The following OCA2 variants were observed in gnomAD, a reference collection of about 807,000 sequenced individuals.
The protein encoded by OCA2 is P protein.
In OCA2, 77 loss-of-function variants were observed where a neutral mutation model predicts 100.2. The ratio of observed to expected loss-of-function variants is 0.77; its 90% CI spans 0.64 to 0.93. OCA2 has a LOEUF of 0.93. OCA2 is among the 40% of genes least tolerant of loss of function. The pLI is 0.00. For synonymous variants in OCA2, 432 were observed against 439.2 expected, an observed-to-expected ratio of 0.98 and a Z score of 0.21; for missense variants, 1,062 against 1,089.1, an observed-to-expected ratio of 0.98 and a Z score of 0.35.
At chr15:27,903,321 G>T (rs1246578752) in intron 19 of OCA2, among the ~76,000 whole-genome samples, 1 of 152,166 alleles carries the variant, frequency 6.6e-6, no homozygotes, top group Non-Finnish European at 1.5e-5. Flanking sequence ...GCTTCCGCGG[G>T]CCCACAGCTG....
intron 9 of OCA2, among the ~76,000 whole-genome samples, chr15:28,008,927 T>C (rs2042160629): frequency 6.6e-6 from 1 of 152,222 alleles, no homozygotes; most frequent in African/African-American, 2.4e-5. Context: ...AGCCTAAGCA[T>C]GCCTGCCTGC....
chr15:27,977,403 G>A (rs2140923578), intron 14 of OCA2, among the ~76,000 whole-genome samples: 1 of 152,286 alleles, frequency 6.6e-6, no homozygotes, highest in Non-Finnish European at 1.5e-5. Context: ...GTAGGGACTA[G>A]CACACGTGGA....
chr15:27,862,631 T>A (rs2036180413), intron 21 of OCA2, among the ~76,000 whole-genome samples: 1 of 152,136 alleles, frequency 6.6e-6, no homozygotes, highest in African/African-American at 2.4e-5. Context: ...TGTGCCACTA[T>A]GCCCAGCTAA....
At chr15:28,014,327 A>C (rs947815934) in intron 9 of OCA2, among the ~76,000 whole-genome samples, 3 of 152,208 alleles carry the variant, frequency 2.0e-5, no homozygotes, top group African/African-American at 7.2e-5. Flanking sequence ...CGGAACAGAT[A>C]ATCAAATAAT....
At chr15:27,958,781 C>A (rs1385155230) in intron 15 of OCA2, among the ~76,000 whole-genome samples, 2 of 152,084 alleles carry the variant, frequency 1.3e-5, no homozygotes, top group African/African-American at 4.8e-5. Context: ...TTTTCATGAA[C>A]CATCCCTTAC....
intron 21 of OCA2, among the ~76,000 whole-genome samples, chr15:27,866,381 A>G (rs1384073697): frequency 1.3e-5 from 2 of 152,170 alleles, no homozygotes; most frequent in Admixed American, 1.3e-4. Flanking sequence ...GTGCACAGCT[A>G]GGGTCTGCGA....
chr15:27,906,103 T>C (rs2038167354), intron 19 of OCA2, among the ~76,000 whole-genome samples: 1 of 152,214 alleles, frequency 6.6e-6, no homozygotes, highest in Non-Finnish European at 1.5e-5. Flanking sequence ...TAAGTTCTAG[T>C]GTTTGATAGC....
chr15:27,796,122 G>C (rs984961006), intron 23 of OCA2, among the ~76,000 whole-genome samples: 21 of 152,212 alleles, frequency 1.4e-4, no homozygotes, highest in African/African-American at 4.8e-4. Context: ...AGGACCTCAG[G>C]TTCTGCTGAT....
chr15:27,729,774 T>A, the OCA2 span, among the ~76,000 whole-genome samples: 2 of 152,186 alleles, frequency 1.3e-5, no homozygotes, highest in Admixed American at 1.3e-4. Context: ...CCTACCACCA[T>A]GGACAAATGT....
the OCA2 span, among the ~76,000 whole-genome samples, chr15:27,744,846 T>A: frequency 6.6e-6 from 1 of 152,170 alleles, no homozygotes. Flanking sequence ...ATTCAGGCCA[T>A]GAGGGGAAGT....
chr15:27,745,986 G>A, the OCA2 span, among the ~76,000 whole-genome samples: 2 of 152,226 alleles, frequency 1.3e-5, no homozygotes, highest in East Asian at 3.9e-4. Flanking sequence ...ATTGCTTGAC[G>A]TCTGCTTATA....
chr15:27,766,678 A>G (rs1595372912), intron 23 of OCA2, among the ~76,000 whole-genome samples: 1 of 151,596 alleles, frequency 6.6e-6, no homozygotes, highest in Admixed American at 6.6e-5. Context: ...GGTCCTCACC[A>G]CTCACTCCTA....
intron 19 of OCA2, among the ~76,000 whole-genome samples, chr15:27,910,031 C>A (rs2038326482): frequency 6.6e-6 from 1 of 151,730 alleles, no homozygotes; most frequent in African/African-American, 2.4e-5. Flanking sequence ...AAGACGCAAT[C>A]GAAAAACAGG....
At chr15:27,878,184 T>C (rs1479840036) in intron 19 of OCA2, among the ~76,000 whole-genome samples, 1 of 152,014 alleles carries the variant, frequency 6.6e-6, no homozygotes, top group East Asian at 1.9e-4. Context: ...TACATCTATA[T>C]ACATTAAAAC....
At chr15:28,058,530 A>G (rs1257042473) in intron 2 of OCA2, among the ~76,000 whole-genome samples, 1 of 143,510 alleles carries the variant, frequency 7.0e-6, no homozygotes, top group East Asian at 2.0e-4. Flanking sequence ...GTGCCCCTCC[A>G]CTGCTCATTT....
chr15:27,739,440 C>CTTTTTTTT, the OCA2 span, among the ~76,000 whole-genome samples: 1 of 100,062 alleles, frequency 1.0e-5, no homozygotes, highest in African/African-American at 4.5e-5. Flanking sequence ...TAATTTCTTT[C>CTTTTTTTT]TTTTTTTTTT....
chr15:27,739,475 T>G, the OCA2 span, among the ~76,000 whole-genome samples: 2 of 130,722 alleles, frequency 1.5e-5, no homozygotes, highest in South Asian at 5.3e-4. Flanking sequence ...AGACAGAGTC[T>G]CACTCTGTCA....
At chr15:27,816,303 C>A (rs570275501) in intron 23 of OCA2, among the ~76,000 whole-genome samples, 3 of 152,210 alleles carry the variant, frequency 2.0e-5, no homozygotes, top group Non-Finnish European at 2.9e-5. Flanking sequence ...AGAATGTTCA[C>A]GCAGAATCAT....
chr15:27,756,268 G>T (rs2150973943), intron 23 of OCA2, among the ~76,000 whole-genome samples: 1 of 152,326 alleles, frequency 6.6e-6, no homozygotes, highest in African/African-American at 2.4e-5. Context: ...AGCCTAGCAT[G>T]TGGCAATTAT....
Sources: gnomAD v4.1 joint callset for allele counts (sites outside exome capture counted in the v4.1 genomes callset) on GRCh38, gnomAD v4.1.1 for gene constraint, MANE v1.5 for transcripts, NCBI Gene and HGNC (gene_info 2026-07-23, HGNC 2026-07-21) for gene names.